The following ANKRD30BL variants were observed in gnomAD, a reference collection of about 807,000 sequenced individuals.
The protein encoded by ANKRD30BL is ankyrin repeat domain 30B like.
A neutral mutation model predicts 18.4 loss-of-function variants in ANKRD30BL; 20 were observed. The ratio of observed to expected loss-of-function variants is 1.09; its 90% CI spans 0.77 to 1.58. The LOEUF (loss-of-function observed/expected upper bound fraction) is 1.58, where lower values mean the gene tolerates loss of function less well. Among genes scored for constraint, ANKRD30BL ranks in the 40% most tolerant of loss-of-function variants. The probability of loss-of-function intolerance (pLI) is 0.00; values close to 1 mark genes in which losing one functional copy is unlikely to be tolerated. For missense variants in ANKRD30BL, 224 were observed against 268.6 expected (o/e 0.83, Z 1.16); for synonymous variants, 72 against 100.9 (o/e 0.71, Z 1.72).
chr2:132,253,611 G>C (rs77172223), intron 1 of ANKRD30BL, among the ~76,000 whole-genome samples: 2 of 152,104 alleles, frequency 1.3e-5, no homozygotes, highest in Non-Finnish European at 2.9e-5. Context: ...GTGGCGACAC[G>C]CAAGTGTGGC....
intron 1 of ANKRD30BL, among the ~76,000 whole-genome samples, chr2:132,192,435 A>G (rs1052351481): frequency 2.0e-5 from 3 of 152,238 alleles, no homozygotes; most frequent in Non-Finnish European, 2.9e-5. Context: ...CATGCCCTCC[A>G]TAGCAGAGAA....
Position 132,221,879 on chromosome 2 carries a change from C to A in ANKRD30BL, n.441+35650G>T, listed in dbSNP as rs1471389062. ...TCCGGGAGGGGGGAGGGGGAGTCAG[C>A]CCCCTGCCCAGCCAGCCGCCCCGTC... On this transcript the variant is annotated intron_variant and non_coding_transcript_variant, in intron 1 of 4. Coordinates refer to the ANKRD30BL transcript ENST00000470729. 3.2e-5 allele frequency among the ~76,000 whole-genome samples: 4 copies of A among 124,390 alleles called. No individual in the cohort carries two copies. In the East Asian group the frequency reaches 9.6e-4, roughly 30 times the overall value. The allele number at this position is 124,390 out of a possible 152,430, so 81.6% of individuals were successfully genotyped here.
intron 1 of ANKRD30BL, among the ~76,000 whole-genome samples, chr2:132,244,837 C>T (rs912777702): frequency 3.3e-5 from 5 of 152,306 alleles, no homozygotes; most frequent in African/African-American, 9.6e-5. Context: ...TTGAACTTTC[C>T]CTTTCCTAGA....
intron 1 of ANKRD30BL, among the ~76,000 whole-genome samples, chr2:132,226,626 C>CT (rs1404542088): frequency 2.6e-5 from 4 of 151,646 alleles, no homozygotes; most frequent in East Asian, 1.9e-4. Context: ...TTTTGAACCT[C>CT]TTTTTTTGTA....
intron 1 of ANKRD30BL, among the ~76,000 whole-genome samples, chr2:132,237,687 G>A (rs1161434631): frequency 6.6e-6 from 1 of 152,032 alleles, no homozygotes; most frequent in Non-Finnish European, 1.5e-5. Context: ...TCACAGAGTT[G>A]AACATTCCTT....
At chr2:132,154,239 A>G (rs1228997554) in intron 4 of ANKRD30BL, among the ~76,000 whole-genome samples, 2 of 152,208 alleles carry the variant, frequency 1.3e-5, no homozygotes, top group African/African-American at 4.8e-5. Flanking sequence ...TGCTGAGATA[A>G]CAGACAACAG....
At chr2:132,168,699 A>G (rs1210358354) in intron 1 of ANKRD30BL, among the ~76,000 whole-genome samples, 3 of 152,280 alleles carry the variant, frequency 2.0e-5, no homozygotes, top group Admixed American at 2.0e-4. Context: ...AATTTTGCTA[A>G]CAGGGTAGGT....
At chr2:132,198,142 A>C (rs909215750) in intron 1 of ANKRD30BL, among the ~76,000 whole-genome samples, 3 of 151,988 alleles carry the variant, frequency 2.0e-5, no homozygotes, top group Non-Finnish European at 2.9e-5. Flanking sequence ...ACAATATGAC[A>C]TGTAAAATAT....
At chr2:132,226,750 C>T (rs946501187) in intron 1 of ANKRD30BL, among the ~76,000 whole-genome samples, 1 of 151,936 alleles carries the variant, frequency 6.6e-6, no homozygotes, top group African/African-American at 2.4e-5. Flanking sequence ...TGTGTGCGTT[C>T]ATCTCACAGA....
At chr2:132,175,336 T>C (rs535802675) in intron 1 of ANKRD30BL, among the ~76,000 whole-genome samples, 131 of 152,254 alleles carry the variant, frequency 8.6e-4, no homozygotes, top group African/African-American at 2.5e-3. Flanking sequence ...TATGCCTGGA[T>C]GTGCACGTAG....
At chr2:132,151,633 A>T (rs1158527876) in intron 4 of ANKRD30BL, among the ~76,000 whole-genome samples, 2 of 151,854 alleles carry the variant, frequency 1.3e-5, no homozygotes, top group Non-Finnish European at 2.9e-5. Flanking sequence ...AAACAAAAAA[A>T]ATGTTTTTCT....
chr2:132,200,171 A>C (rs1573834893), intron 1 of ANKRD30BL, among the ~76,000 whole-genome samples: 1 of 151,700 alleles, frequency 6.6e-6, no homozygotes, highest in Non-Finnish European at 1.5e-5. Flanking sequence ...TCTATGACAA[A>C]CCCACAGCCA....
intron 1 of ANKRD30BL, among the ~76,000 whole-genome samples, chr2:132,160,806 T>G (rs1486163453): frequency 6.6e-6 from 1 of 152,070 alleles, no homozygotes; most frequent in African/African-American, 2.4e-5. Flanking sequence ...ACAAAATGTT[T>G]TAAATGTCAC....
At chr2:132,156,871 A>T (rs1687918607) in intron 3 of ANKRD30BL, 102 bp downstream of exon 3, 2 of 451,338 alleles carry the variant, frequency 4.4e-6, no homozygotes, top group Non-Finnish European at 7.6e-6. Context: ...TTCATAGAAA[A>T]ATAGGAATGT....
chr2:132,167,426 G>T (rs1293993144), intron 1 of ANKRD30BL, among the ~76,000 whole-genome samples: 4 of 151,936 alleles, frequency 2.6e-5, no homozygotes, highest in Admixed American at 2.6e-4. Context: ...TCAGGTTAAA[G>T]TGATCCTCCC....
intron 1 of ANKRD30BL, among the ~76,000 whole-genome samples, chr2:132,241,742 A>G (rs1011596442): frequency 9.2e-5 from 14 of 151,806 alleles, no homozygotes; most frequent in African/African-American, 3.4e-4. Flanking sequence ...TGTGTACTCA[A>G]CTCACAGAGT....
chr2:132,250,765 A>AT (rs1680628478), intron 1 of ANKRD30BL, among the ~76,000 whole-genome samples: 1 of 151,964 alleles, frequency 6.6e-6, no homozygotes, highest in Admixed American at 6.6e-5. Flanking sequence ...CTGATTCCTT[A>AT]TTTTTTCTTT....
chr2:132,177,090 G>C (rs1365040492), intron 1 of ANKRD30BL, among the ~76,000 whole-genome samples: 1 of 151,924 alleles, frequency 6.6e-6, no homozygotes, highest in Non-Finnish European at 1.5e-5. Context: ...AATGCAAGTA[G>C]TGGCTAACTT....
At chr2:132,256,215 G>C (rs1300847757) in intron 1 of ANKRD30BL, among the ~76,000 whole-genome samples, 2 of 152,072 alleles carry the variant, frequency 1.3e-5, no homozygotes, top group African/African-American at 4.8e-5. Flanking sequence ...CGGCCTCTGG[G>C]ACTCGCGAGG....
Sources: gnomAD v4.1 joint callset for allele counts (sites outside exome capture counted in the v4.1 genomes callset) on GRCh38, gnomAD v4.1.1 for gene constraint, MANE v1.5 for transcripts, NCBI Gene and HGNC (gene_info 2026-07-23, HGNC 2026-07-21) for gene names.